Variants in FAM227B observed in about 807,000 individuals in gnomAD.
FAM227B encodes protein FAM227B.
Under a neutral mutation model 73.8 loss-of-function variants are expected in FAM227B, and 88 were observed. That is an observed-to-expected ratio of 1.19 (90% CI 1.00 to 1.42). The LOEUF is 1.42. FAM227B is among the 40% of genes most tolerant of loss of function. The pLI, the probability that FAM227B is intolerant of heterozygous loss-of-function variation, is 0.00. For synonymous variants in FAM227B, 210 were observed against 190.5 expected (o/e 1.10, Z -0.84); for missense variants, 632 against 590.9 (o/e 1.07, Z -0.72).
chr15:49,384,158 A>C (rs1379229340), intron 11 of FAM227B, among the ~76,000 whole-genome samples: 1 of 152,124 alleles, frequency 6.6e-6, no homozygotes, highest in Non-Finnish European at 1.5e-5. Flanking sequence ...TCAGCCTTTA[A>C]GAATTCAGAA....
intron 9 of FAM227B, among the ~76,000 whole-genome samples, chr15:49,554,984 G>T (rs914607950): frequency 6.6e-6 from 1 of 152,128 alleles, no homozygotes; most frequent in East Asian, 1.9e-4. Context: ...CACTGTATGT[G>T]AGATTGGTCT....
chr15:49,419,255 C>T (rs2049425657), intron 11 of FAM227B, among the ~76,000 whole-genome samples: 1 of 152,136 alleles, frequency 6.6e-6, no homozygotes, highest in Non-Finnish European at 1.5e-5. Context: ...GCATGGCTCC[C>T]CAAATATGGG....
chr15:49,505,183 G>T (rs2058484736), intron 11 of FAM227B, among the ~76,000 whole-genome samples: 1 of 152,102 alleles, frequency 6.6e-6, no homozygotes, highest in South Asian at 2.1e-4. Context: ...TTTCATTTAT[G>T]TAAACTTCTA....
At chr15:49,343,333 G>T (rs1373912734) in intron 13 of FAM227B, among the ~76,000 whole-genome samples, 1 of 152,006 alleles carries the variant, frequency 6.6e-6, no homozygotes, top group African/African-American at 2.4e-5. Flanking sequence ...ACTTTCAAAT[G>T]TGTTTTGAAA....
chr15:49,412,897 T>C (rs2151693071), intron 11 of FAM227B, among the ~76,000 whole-genome samples: 1 of 152,180 alleles, frequency 6.6e-6, no homozygotes. Flanking sequence ...AGTAAAAAGG[T>C]CCAGATCTCT....
chr15:49,582,954 A>T (rs1349564064), intron 5 of FAM227B, among the ~76,000 whole-genome samples: 1 of 152,200 alleles, frequency 6.6e-6, no homozygotes, highest in East Asian at 1.9e-4. Context: ...AACACACCAG[A>T]ATCTCTGGGA....
chr15:49,419,003 G>A (rs903744988), intron 11 of FAM227B, among the ~76,000 whole-genome samples: 3 of 152,136 alleles, frequency 2.0e-5, no homozygotes, highest in African/African-American at 7.2e-5. Context: ...CCAAAGCTAA[G>A]GCATCTGGGT....
chr15:49,459,461 T>G (rs1389133846), intron 11 of FAM227B, among the ~76,000 whole-genome samples: 1 of 151,780 alleles, frequency 6.6e-6, no homozygotes, highest in Non-Finnish European at 1.5e-5. Flanking sequence ...TTTCTTTTTT[T>G]TGAGATATAA....
intron 2 of FAM227B, among the ~76,000 whole-genome samples, chr15:49,612,975 A>G (rs2078042708): frequency 6.6e-6 from 1 of 152,138 alleles, no homozygotes; most frequent in Non-Finnish European, 1.5e-5. Context: ...TCATGGAGAT[A>G]GAGATAGAAT....
At chr15:49,383,620 A>G (rs985692900) in intron 11 of FAM227B, among the ~76,000 whole-genome samples, 2 of 152,094 alleles carry the variant, frequency 1.3e-5, no homozygotes, top group Admixed American at 6.6e-5. Flanking sequence ...CTGCTAGGCA[A>G]AAAGTACAGT....
chr15:49,554,083 A>C (rs1466632186), intron 9 of FAM227B, among the ~76,000 whole-genome samples: 1 of 152,138 alleles, frequency 6.6e-6, no homozygotes, highest in African/African-American at 2.4e-5. Context: ...TGTGTCTAGA[A>C]ATGTCATCTG....
chr15:49,425,617 C>CT (rs920374192), intron 11 of FAM227B: 16 of 151,894 alleles, frequency 1.1e-4, no homozygotes, highest in African/African-American at 3.9e-4. Flanking sequence ...CAGTGCCAGG[C>CT]TTGCAGCAAT....
chr15:49,329,412 A>C (rs2038170415), intron 15 of FAM227B: 1 of 984,826 alleles, frequency 1.0e-6, no homozygotes, highest in Non-Finnish European at 1.2e-6. Context: ...TGAATTATCC[A>C]AAAAAATATC....
chr15:49,483,724 T>C (rs991294805), intron 11 of FAM227B, among the ~76,000 whole-genome samples: 13 of 152,064 alleles, frequency 8.5e-5, no homozygotes, highest in Non-Finnish European at 1.9e-4. Context: ...TTCACTACAA[T>C]GCAAAATATG....
intron 13 of FAM227B, chr15:49,366,637 C>A (rs2045241172): frequency 6.3e-7 from 1 of 1,580,496 alleles, no homozygotes; most frequent in Non-Finnish European, 8.7e-7. Flanking sequence ...GCAGGAAGCC[C>A]CAGAGCAGGG....
chr15:49,592,256 T>C (rs945668263), intron 3 of FAM227B, among the ~76,000 whole-genome samples: 1 of 152,234 alleles, frequency 6.6e-6, no homozygotes, highest in African/African-American at 2.4e-5. Flanking sequence ...CTCTGGTTTT[T>C]AGAATTTTCA....
chr15:49,407,792 C>CT (rs1165753209), intron 11 of FAM227B, among the ~76,000 whole-genome samples: 1 of 151,862 alleles, frequency 6.6e-6, no homozygotes. Context: ...CCCCCACAAT[C>CT]AAGATATAGA....
In FAM227B at chr15:49,411,655, T is replaced by C. The variant is rs1034767422; in HGVS notation, c.1013-40256A>G. Among the ~76,000 whole-genome samples the C allele has an allele frequency of 9.9e-5, 15 of 152,206 alleles. No homozygotes were observed. In the South Asian group the frequency reaches 1.4e-3, roughly 15 times the overall value. Reference sequence around the variant, plus strand: ...CCTTTGGTTGTACTAAGAACTAGAATTATCCCCTTTAATTTTATTTATTCA... The same window carrying C: ...CCTTTGGTTGTACTAAGAACTAGAACTATCCCCTTTAATTTTATTTATTCA... On this transcript the variant is annotated intron_variant, in intron 11 of 15. Coordinates refer to ENST00000299338, the MANE Select transcript of FAM227B (RefSeq NM_152647.3).
chr15:49,583,358 T>C (rs2075937960), intron 5 of FAM227B, among the ~76,000 whole-genome samples: 1 of 151,366 alleles, frequency 6.6e-6, no homozygotes, highest in Non-Finnish European at 1.5e-5. Flanking sequence ...CAGGTTGCAG[T>C]AAAGGAGGCG....
Sources: gnomAD v4.1 joint callset for allele counts (sites outside exome capture counted in the v4.1 genomes callset) on GRCh38, gnomAD v4.1.1 for gene constraint, MANE v1.5 for transcripts, NCBI Gene and HGNC (gene_info 2026-07-23, HGNC 2026-07-21) for gene names.